Variants in RER1 observed in about 807,000 individuals in gnomAD.
RER1 encodes the protein protein RER1.
In RER1, 6 loss-of-function variants were observed where a neutral mutation model predicts 28.3. That is an observed-to-expected ratio of 0.21 (90% CI 0.12 to 0.42). RER1 has a LOEUF of 0.42. Ranked by LOEUF, RER1 falls within the 10% of genes least tolerant of loss-of-function variation. RER1 has a pLI of 1.00. For synonymous variants in RER1, 110 were observed against 95.9 expected, an observed-to-expected ratio of 1.15 and a Z score of -0.86; for missense variants, 159 against 252.9, an observed-to-expected ratio of 0.63 and a Z score of 2.52.
intron 5 of RER1, among the ~76,000 whole-genome samples, chr1:2,401,326 C>G (rs1199621556): frequency 1.9e-5 from 1 of 52,384 alleles, no homozygotes; most frequent in Non-Finnish European, 3.7e-5. Context: ...TCCTTCCTGC[C>G]TCCTCCTCCC....
In RER1 at chr1:2,403,199, A is replaced by G. The variant is rs750048307; in HGVS notation, c.*75A>G. 2.6e-6 allele frequency: 3 copies of G among 1,145,348 alleles called. No individual in the cohort carries two copies. The highest frequency in any genetic ancestry group is 1.5e-5 in the African/African-American group (1 of 65,648). The allele number at this position is 1,145,348 out of a possible 1,614,324, so 70.9% of individuals were successfully genotyped here. On this transcript the variant is annotated 3_prime_UTR_variant, in exon 7 of 7. Coordinates refer to ENST00000605895, the MANE Select transcript of RER1 (RefSeq NM_007033.5). ...TGTTAACAATGCCTTTTTTCTTCAC[A>G]TAAAGTAGTTGATTACGAGGGAGTC...
At position 2,403,586 on chromosome 1, in the gene RER1, A is replaced by G. The variant is rs1642907666; in HGVS notation, c.*462A>G. On this transcript the variant is annotated 3_prime_UTR_variant, in exon 7 of 7. Transcript: ENST00000605895. ...CGTGTCCGAAAGAACTTAACGTTTTAAAGGTGATTGTCAAGTAACTGTGTG... is the reference window on the plus strand; with the variant it reads ...CGTGTCCGAAAGAACTTAACGTTTTGAAGGTGATTGTCAAGTAACTGTGTG... 5.8e-6 allele frequency: 1 copy of G among 172,554 alleles called. No individual in the cohort carries two copies. The highest frequency in any genetic ancestry group is 1.2e-4 in the South Asian group (1 of 8,226). 10.7% of individuals were successfully genotyped at this position (172,554 alleles called of 1,614,324 possible).
In RER1 at chr1:2,397,123, A is replaced by G; in HGVS notation, c.89A>G (p.Gln30Arg). 1 of 1,606,328 alleles carries G rather than the reference A, an allele frequency of 6.2e-7. No individual in the cohort carries two copies. Among genetic ancestry groups the G allele is most frequent in the Non-Finnish European group, 8.5e-7 (1 of 1,173,158 alleles). The change falls in exon 3 of 7, where the codon CAG becomes CGG. Residue 30 changes from glutamine to arginine, a missense_variant. Coordinates refer to ENST00000605895, the MANE Select transcript of RER1 (RefSeq NM_007033.5). Reference sequence around the variant, plus strand: ...GGACTCTTGTCTTTCTAGATTTATCAGTCCTGGCTAGACAAGTCCACACCC... The same window carrying G: ...GGACTCTTGTCTTTCTAGATTTATCGGTCCTGGCTAGACAAGTCCACACCC... ...RFFTRLGQIY[Q>R]SWLDKSTPYT...
rs745590120 is a variant in RER1 at position 2,403,097 on chromosome 1, G to T, written c.564G>T (p.Glu188Asp). The T allele has an allele frequency of 5.6e-6, 9 of 1,614,192 alleles. No individual in the cohort carries two copies. Among genetic ancestry groups the T allele is most frequent in the Non-Finnish European group, 7.6e-6 (9 of 1,180,028 alleles). ...GGAAGAGAAGGTACAGAGGCAAGGA[G>T]GATGCCGGCAAGGCCTTCGCCAGCT... The part of the protein sequence containing the change: ...THGKRRYRGK[E>D]DAGKAFAS The change falls in exon 7 of 7, where the codon GAG becomes GAT. Residue 188 changes from glutamate (E) to aspartate (D), a missense_variant. Coordinates refer to ENST00000605895, the MANE Select transcript of RER1 (RefSeq NM_007033.5).
intron 3 of RER1, among the ~76,000 whole-genome samples, chr1:2,398,505 C>G (rs1642800709): frequency 6.6e-6 from 1 of 152,254 alleles, no homozygotes; most frequent in South Asian, 2.1e-4. Context: ...TCTCTTACTT[C>G]AGCTTCCCGA....
rs751570066 is a variant in RER1 at position 2,403,862 on chromosome 1, A to C, written c.*738A>C. ...AGGGGCAGCGAAGCTGGCAGGGAGC[A>C]GACTGGCTTTGTAGGTTCAGCACTC... On this transcript the variant is annotated 3_prime_UTR_variant, in exon 7 of 7. Transcript: ENST00000605895. The C allele has an allele frequency of 6.6e-6, 1 of 152,504 alleles. No homozygotes were observed. The highest frequency in any genetic ancestry group is 1.5e-5 in the Non-Finnish European group (1 of 68,052). The allele number at this position is 152,504 out of a possible 1,614,324, so 9.4% of individuals were successfully genotyped here. A position where few individuals can be genotyped will look rare whatever the true frequency, so the allele number is the denominator to read the frequency against.
Position 2,405,193 on chromosome 1 carries a change from T to G in RER1, c.*2069T>G. On this transcript the variant is annotated 3_prime_UTR_variant, in exon 7 of 7. Transcript: ENST00000605895. ...CGACGGAGGTGCTGGCCTTGGTTGG[T>G]TTCTCTCTGCCCCGTGTGGTCATCA... is the stretch of plus-strand genomic sequence containing the variant. 1 of 181,044 alleles carries G rather than the reference T, an allele frequency of 5.5e-6. No homozygotes were observed. Among genetic ancestry groups the G allele is most frequent in the African/African-American group, 2.4e-5 (1 of 42,036 alleles). 11.2% of individuals were successfully genotyped at this position (181,044 alleles called of 1,614,324 possible).
intron 1 of RER1, chr1:2,393,265 TC>T (rs1285040262): frequency 6.6e-6 from 1 of 152,168 alleles, no homozygotes; most frequent in Non-Finnish European, 1.5e-5. Context: ...GTAATGGACT[TC>T]CAGGTGGCAG....
chr1:2,403,475 C>T lies in RER1; in HGVS notation c.*351C>T, dbSNP rs1036765794. 2.7e-4 allele frequency: 81 copies of T among 298,048 alleles called. No homozygotes were observed. Among genetic ancestry groups the T allele is most frequent in the South Asian group, 1.5e-3 (53 of 34,254 alleles). 18.5% of individuals were successfully genotyped at this position (298,048 alleles called of 1,614,324 possible). On this transcript the variant is annotated 3_prime_UTR_variant, in exon 7 of 7. Transcript: ENST00000605895. Reference sequence around the variant, plus strand: ...CAAGGCCTGCGAGGGAGGAACGGGCCGCTCCCCGCCAGCCGCCTTCCCCAG... The same window carrying T: ...CAAGGCCTGCGAGGGAGGAACGGGCTGCTCCCCGCCAGCCGCCTTCCCCAG...
Position 2,397,305 on chromosome 1 carries a change from G to A in RER1, c.186+85G>A, listed in dbSNP as rs541977244. On this transcript the variant is annotated intron_variant, in intron 3 of 6. Transcript: ENST00000605895. Reference sequence around the variant, plus strand: ...TGTGGGGATGTTGTTGATCCAGTCTGTCTTGCAGGAAGTGGTCTCTAGTAA... The same window carrying A: ...TGTGGGGATGTTGTTGATCCAGTCTATCTTGCAGGAAGTGGTCTCTAGTAA... 9 of 890,950 alleles carry A rather than the reference G, an allele frequency of 1.0e-5. No homozygotes were observed. The South Asian group carries it at 1.2e-4, about 12-fold the overall frequency. 55.2% of individuals were successfully genotyped at this position (890,950 alleles called of 1,614,324 possible). A position where few individuals can be genotyped will look rare whatever the true frequency, so the allele number is the denominator to read the frequency against.
Position 2,403,088 on chromosome 1 carries a change from A to C in RER1, c.555A>C (p.Arg185Ser). The change falls in exon 7 of 7, where the codon AGA becomes AGC. Residue 185 changes from arginine (R) to serine (S), a missense_variant. Physicochemically the swap from Arg to Ser is moderately radical, Grantham distance 110. Transcript: ENST00000605895. ...TCACACATGGGAAGAGAAGGTACAG[A>C]GGCAAGGAGGATGCCGGCAAGGCCT... ...IPFTHGKRRY[R>S]GKEDAGKAFA... is the part of the protein sequence containing the mutation. 2 of 1,614,196 alleles carry C rather than the reference A, an allele frequency of 1.2e-6. No homozygotes were observed. Among genetic ancestry groups the C allele is most frequent in the Non-Finnish European group, 1.7e-6 (2 of 1,180,016 alleles).
chr1:2,401,263 TCCA>T (rs1379590445), intron 5 of RER1, among the ~76,000 whole-genome samples: 14 of 58,762 alleles, frequency 2.4e-4, no homozygotes, highest in African/African-American at 8.5e-4. Context: ...TCCTCCCTCC[TCCA>T]CCCTCCCTCC....
intron 5 of RER1, 121 bp from the exon 6 acceptor site, chr1:2,402,086 C>T (rs748343402): frequency 1.9e-5 from 30 of 1,606,210 alleles, no homozygotes; most frequent in Non-Finnish European, 2.3e-5. Context: ...GTAGACCCCT[C>T]CTTTCCACAG....
At chr1:2,392,326 A>G (rs1642691406) in intron 1 of RER1, among the ~76,000 whole-genome samples, 1 of 152,122 alleles carries the variant, frequency 6.6e-6, no homozygotes, top group South Asian at 2.1e-4. Context: ...CAGCGCTGCG[A>G]GTTGGGCTGT....
Position 2,403,073 on chromosome 1 carries a change from G to C in RER1, c.540G>C (p.Gly180=). The part of the protein sequence containing the change: ...IKYRYIPFTH[G]KRRYRGKEDA... Reference sequence around the variant, plus strand: ...ACCGGTACATCCCGTTCACACATGGGAAGAGAAGGTACAGAGGCAAGGAGG... The same window carrying C: ...ACCGGTACATCCCGTTCACACATGGCAAGAGAAGGTACAGAGGCAAGGAGG... Residue 180 remains glycine (G), a synonymous_variant, in exon 7 of 7, where the codon GGG becomes GGC. Transcript: ENST00000605895. 1 of 1,614,156 alleles carries C rather than the reference G, an allele frequency of 6.2e-7. No homozygotes were observed. Among genetic ancestry groups the C allele is most frequent in the Non-Finnish European group, 8.5e-7 (1 of 1,180,016 alleles).
chr1:2,401,529 G>A (rs1467789449), intron 5 of RER1, among the ~76,000 whole-genome samples: 3 of 149,970 alleles, frequency 2.0e-5, no homozygotes, highest in Admixed American at 6.7e-5. Flanking sequence ...GTGTCTGCAC[G>A]GGTAGGCAGA....
At chr1:2,396,055 G>A (rs1642763810) in intron 2 of RER1, 184 bp downstream of exon 2, 1 of 608,950 alleles carries the variant, frequency 1.6e-6, no homozygotes, top group Admixed American at 2.8e-5. Flanking sequence ...TCGGGCTCTG[G>A]GGCCACACGT....
chr1:2,400,899 G>A lies in RER1; in HGVS notation c.329G>A (p.Arg110His), dbSNP rs1642836493. ...CCCACCAAACAGAACGAGGAATTCC[G>A]CCCCTTCATTCGAAGGCTCCCAGAG... ...SLPTKQNEEF[R>H]PFIRRLPEFK... The change falls in exon 5 of 7, where the codon CGC becomes CAC. Residue 110 changes from arginine to histidine, a missense_variant. Arg to His is a conservative substitution (Grantham distance 29). Coordinates refer to ENST00000605895, the MANE Select transcript of RER1 (RefSeq NM_007033.5). 6 of 1,614,004 alleles carry A rather than the reference G, an allele frequency of 3.7e-6. No homozygotes were observed. The highest frequency in any genetic ancestry group is 1.1e-5 in the South Asian group (1 of 91,056).
At position 2,391,971 on chromosome 1, in the gene RER1, G is replaced by A; in HGVS notation, c.-8+13G>A. 6.3e-6 allele frequency: 1 copy of A among 159,888 alleles called. No homozygotes were observed. The highest frequency in any genetic ancestry group is 1.4e-5 in the Non-Finnish European group (1 of 73,392). 9.9% of individuals were successfully genotyped at this position (159,888 alleles called of 1,614,324 possible). On this transcript the variant is annotated intron_variant, in intron 1 of 6. Coordinates refer to ENST00000605895, the MANE Select transcript of RER1 (RefSeq NM_007033.5). ...GCGGAGCTGCGAGGTGCCAGGAAGG[G>A]CTGCGTGGCGCGGGAACGGCCGGGC...
Sources: allele counts gnomAD v4.1 joint callset (sites outside exome capture counted in the v4.1 genomes callset), GRCh38; gene constraint gnomAD v4.1.1; transcripts MANE v1.5; gene names NCBI Gene and HGNC (gene_info 2026-07-23, HGNC 2026-07-21).